LRRTM4: variants seen among roughly 807,000 people sequenced by gnomAD.
LRRTM4 encodes the protein leucine-rich repeat transmembrane neuronal protein 4.
Under a neutral mutation model 47.6 loss-of-function variants are expected in LRRTM4, and 25 were observed. That is an observed-to-expected ratio of 0.53 (90% CI 0.38 to 0.73). The LOEUF is 0.73. Among genes scored for constraint, LRRTM4 ranks in the 30% least tolerant of loss-of-function variants. The pLI is 0.00. For synonymous variants in LRRTM4, 311 were observed against 269.5 expected (o/e 1.15, Z -1.51); for missense variants, 638 against 713.4 (o/e 0.89, Z 1.20).
At chr2:77,313,930 A>G (rs1393251294) in intron 3 of LRRTM4, among the ~76,000 whole-genome samples, 1 of 152,194 alleles carries the variant, frequency 6.6e-6, no homozygotes, top group East Asian at 1.9e-4. Flanking sequence ...TAAATTTTTT[A>G]TTACAAAAGT....
rs545959027 is a variant in LRRTM4, at chr2:76,810,357, CA to C, written c.1552-61442del. 5.7e-4 allele frequency among the ~76,000 whole-genome samples: 87 copies of C among 152,136 alleles called. 2 individuals are homozygous for C. The highest frequency in any genetic ancestry group is 5.5e-3 in the Admixed American group (84 of 15,284). On this transcript the variant is annotated intron_variant, in intron 3 of 3. Transcript: ENST00000409884. ...AGATTTTTCTAATTTATGCTTCCAC[CA>C]AAAGAATATAACCTAATTTCACCAA...
intron 3 of LRRTM4, among the ~76,000 whole-genome samples, chr2:76,846,848 G>A (rs1482724650): frequency 6.6e-6 from 1 of 152,172 alleles, no homozygotes; most frequent in Non-Finnish European, 1.5e-5. Flanking sequence ...TATCTGGTAA[G>A]AGAAAGATCA....
intron 3 of LRRTM4, among the ~76,000 whole-genome samples, chr2:77,424,379 T>C (rs1034079536): frequency 2.0e-5 from 3 of 152,206 alleles, no homozygotes; most frequent in African/African-American, 7.2e-5. Flanking sequence ...TCTGGATATA[T>C]TTTCCTACTT....
At chr2:77,217,756 C>T (rs1384174690) in intron 3 of LRRTM4, among the ~76,000 whole-genome samples, 1 of 151,878 alleles carries the variant, frequency 6.6e-6, no homozygotes, top group Non-Finnish European at 1.5e-5. Flanking sequence ...ATTCTTTTAG[C>T]ATAGTTTTTG....
intron 3 of LRRTM4, among the ~76,000 whole-genome samples, chr2:76,967,182 G>A (rs1279884406): frequency 6.8e-6 from 1 of 146,784 alleles, no homozygotes; most frequent in Non-Finnish European, 1.5e-5. Flanking sequence ...TTATTCTTAG[G>A]AGAGGCACTA....
chr2:77,430,634 T>C (rs367763450), intron 3 of LRRTM4, among the ~76,000 whole-genome samples: 1 of 146,824 alleles, frequency 6.8e-6, no homozygotes, highest in Non-Finnish European at 1.5e-5. Context: ...GGCAGGAGAA[T>C]CACTTGAACC....
chr2:77,227,505 C>T (rs934545069), intron 3 of LRRTM4, among the ~76,000 whole-genome samples: 2 of 151,606 alleles, frequency 1.3e-5, no homozygotes, highest in African/African-American at 2.4e-5. Flanking sequence ...TTTAAATTGG[C>T]AATTAATCAA....
chr2:76,816,819 G>GGTTTTTTTT (rs1670910599), intron 3 of LRRTM4, among the ~76,000 whole-genome samples: 1 of 96,524 alleles, frequency 1.0e-5, no homozygotes, highest in Non-Finnish European at 2.5e-5. Flanking sequence ...GAGGTAAAGA[G>GGTTTTTTTT]TTTTTTTTTT....
At chr2:76,758,168 C>A (rs910252648) in intron 3 of LRRTM4, among the ~76,000 whole-genome samples, 2 of 152,142 alleles carry the variant, frequency 1.3e-5, no homozygotes, top group Admixed American at 6.6e-5. Flanking sequence ...AACTGATTTG[C>A]TTGCCTTTTG....
chr2:77,415,532 C>T lies in LRRTM4; in HGVS notation c.1551+102786G>A, dbSNP rs73942717. Among the ~76,000 whole-genome samples, 950 of 152,238 alleles carry T rather than the reference C, an allele frequency of 6.2e-3. 6 individuals are homozygous for T. Among genetic ancestry groups the T allele is most frequent in the African/African-American group, 0.021 (889 of 41,548 alleles). ...AAAAGTATATTTAGTTCTTCTAAAA[C>T]ATCATGTTCTCTGGACTCTATGGAA... On this transcript the variant is annotated intron_variant, in intron 3 of 3. Coordinates refer to ENST00000409884, the MANE Select transcript of LRRTM4 (RefSeq NM_001134745.3).
chr2:76,916,236 T>C (rs1038135068), intron 3 of LRRTM4, among the ~76,000 whole-genome samples: 1 of 151,610 alleles, frequency 6.6e-6, no homozygotes, highest in Admixed American at 6.6e-5. Context: ...GTCCAAAAAA[T>C]TAGCCGGGCG....
chr2:77,101,260 A>G (rs1670945682), intron 3 of LRRTM4, among the ~76,000 whole-genome samples: 1 of 152,212 alleles, frequency 6.6e-6, no homozygotes, highest in South Asian at 2.1e-4. Flanking sequence ...GGGTTGGTAA[A>G]TAAAGCATTT....
intron 3 of LRRTM4, among the ~76,000 whole-genome samples, chr2:77,327,781 T>C (rs1346862267): frequency 6.6e-6 from 1 of 151,552 alleles, no homozygotes; most frequent in Non-Finnish European, 1.5e-5. Context: ...AGCTGGTGTG[T>C]AGAAAGAAAA....
intron 3 of LRRTM4, among the ~76,000 whole-genome samples, chr2:76,849,316 C>A (rs1303078835): frequency 6.6e-6 from 1 of 152,048 alleles, no homozygotes; most frequent in Admixed American, 6.6e-5. Context: ...TGTGATCCTC[C>A]TCCACCTTTT....
rs1237571615 is a variant in LRRTM4 at position 77,186,126 on chromosome 2, G to C, written c.1551+332192C>G. 2.0e-5 allele frequency among the ~76,000 whole-genome samples: 3 copies of C among 152,090 alleles called. No homozygotes were observed. The East Asian group carries it at 5.8e-4, about 29-fold the overall frequency. ...ATATCATATCCACTTTCATTTCCAT[G>C]AATTTCTATCAAACTAGTTCTCAGG... is the stretch of plus-strand genomic sequence containing the variant. On this transcript the variant is annotated intron_variant, in intron 3 of 3. Transcript: ENST00000409884.
intron 3 of LRRTM4, among the ~76,000 whole-genome samples, chr2:76,965,132 A>G (rs920944064): frequency 6.6e-6 from 1 of 151,214 alleles, no homozygotes; most frequent in Non-Finnish European, 1.5e-5. Flanking sequence ...AGGAAATGAT[A>G]CCAATTTTCC....
chr2:77,296,764 C>T (rs536860814), intron 3 of LRRTM4, among the ~76,000 whole-genome samples: 15 of 152,344 alleles, frequency 9.8e-5, no homozygotes, highest in South Asian at 4.1e-4. Flanking sequence ...CCAGCCACAC[C>T]TCCTTCTTAC....
At chr2:77,294,778 T>C (rs1335661782) in intron 3 of LRRTM4, among the ~76,000 whole-genome samples, 1 of 152,152 alleles carries the variant, frequency 6.6e-6, no homozygotes, top group Non-Finnish European at 1.5e-5. Flanking sequence ...AAAATGTATC[T>C]TCTTTGCAGC....
At chr2:77,362,602 A>G (rs1186924460) in intron 3 of LRRTM4, among the ~76,000 whole-genome samples, 1 of 152,160 alleles carries the variant, frequency 6.6e-6, no homozygotes, top group East Asian at 1.9e-4. Flanking sequence ...CCCCATGAAC[A>G]GTAATCTGGG....
Sources: gnomAD v4.1 joint callset for allele counts (sites outside exome capture counted in the v4.1 genomes callset) on GRCh38, gnomAD v4.1.1 for gene constraint, MANE v1.5 for transcripts, NCBI Gene and HGNC (gene_info 2026-07-23, HGNC 2026-07-21) for gene names.